ENPEP: variants seen among roughly 807,000 people sequenced by gnomAD.
ENPEP encodes AP-A.
Under a neutral mutation model 114.5 loss-of-function variants are expected in ENPEP, and 103 were observed. The observed-to-expected ratio is 0.90, with a 90% confidence interval of 0.77 to 1.06. The LOEUF is 1.06. Ranked by LOEUF, ENPEP falls within the 50% of genes least tolerant of loss-of-function variation. ENPEP has a pLI of 0.00. For synonymous variants in ENPEP, 420 were observed against 422.0 expected (o/e 1.00, Z 0.06); for missense variants, 1,196 against 1,161.3 (o/e 1.03, Z -0.43).
At chr4:110,514,400 A>G (rs1424228225) in intron 7 of ENPEP, among the ~76,000 whole-genome samples, 3 of 152,012 alleles carry the variant, frequency 2.0e-5, no homozygotes, top group Non-Finnish European at 4.4e-5. Flanking sequence ...TTTCCCTCTC[A>G]TATGATTCCC....
chr4:110,481,138 A>G (rs1224729747), intron 1 of ENPEP, among the ~76,000 whole-genome samples: 1 of 152,218 alleles, frequency 6.6e-6, no homozygotes, highest in African/African-American at 2.4e-5. Flanking sequence ...GGATCTTAGT[A>G]GATATTACCA....
intron 3 of ENPEP, among the ~76,000 whole-genome samples, chr4:110,505,115 C>T (rs1404445304): frequency 1.3e-5 from 2 of 152,170 alleles, no homozygotes; most frequent in Non-Finnish European, 2.9e-5. Flanking sequence ...CAATCCTGTA[C>T]GAACGTGATG....
chr4:110,523,028 G>C (rs1051194286), intron 10 of ENPEP, among the ~76,000 whole-genome samples: 3 of 152,184 alleles, frequency 2.0e-5, no homozygotes. Context: ...AATGCTCAGG[G>C]TGCTGTGAGT....
chr4:110,481,943 G>A (rs1445400710), intron 1 of ENPEP, among the ~76,000 whole-genome samples: 1 of 152,078 alleles, frequency 6.6e-6, no homozygotes, highest in Non-Finnish European at 1.5e-5. Flanking sequence ...CAGGCAAAAA[G>A]GAAAGGCACC....
At chr4:110,557,277 C>G (rs139032400) in intron 18 of ENPEP, among the ~76,000 whole-genome samples, 2 of 152,250 alleles carry the variant, frequency 1.3e-5, no homozygotes, top group East Asian at 3.9e-4. Flanking sequence ...CACAAAGTAT[C>G]TTAGGAATTT....
At chr4:110,508,271 A>C (rs1481024755) in intron 4 of ENPEP, among the ~76,000 whole-genome samples, 1 of 125,356 alleles carries the variant, frequency 8.0e-6, no homozygotes, top group African/African-American at 4.7e-5. Context: ...GTACTGACCA[A>C]AAAAAAAAAA....
intron 13 of ENPEP, among the ~76,000 whole-genome samples, 180 bp downstream of exon 13, chr4:110,543,250 C>A (rs1001508815): frequency 6.6e-6 from 1 of 152,012 alleles, no homozygotes; most frequent in African/African-American, 2.4e-5. Context: ...GCCTAATAGT[C>A]AAAATACTGA....
chr4:110,541,002 G>C (rs1726825885), intron 11 of ENPEP, among the ~76,000 whole-genome samples: 1 of 152,078 alleles, frequency 6.6e-6, no homozygotes, highest in South Asian at 2.1e-4. Context: ...AGACTCAAAA[G>C]TTCATGCTCT....
chr4:110,479,498 A>G (rs557735869), intron 1 of ENPEP, among the ~76,000 whole-genome samples: 2 of 152,170 alleles, frequency 1.3e-5, no homozygotes, highest in Middle Eastern at 3.2e-3. Context: ...GTGTACATGC[A>G]TATACATATA....
At position 110,488,502 on chromosome 4, in the gene ENPEP, G is replaced by A. The variant is rs980394428; in HGVS notation, c.645-39G>A. Reference sequence around the variant, plus strand: ...AGAGACATAGGGGTTGTCAGAAGAGGCAGCATGCATTTCGTTTGTTTGTTT... The same window carrying A: ...AGAGACATAGGGGTTGTCAGAAGAGACAGCATGCATTTCGTTTGTTTGTTT... On this transcript the variant is annotated intron_variant, in intron 1 of 19. Transcript: ENST00000265162. 1.1e-5 allele frequency: 17 copies of A among 1,559,448 alleles called. No homozygotes were observed. The Middle Eastern group carries it at 5.0e-4, about 46-fold the overall frequency.
At chr4:110,538,279 G>A (rs1007894718) in intron 11 of ENPEP, among the ~76,000 whole-genome samples, 1 of 152,182 alleles carries the variant, frequency 6.6e-6, no homozygotes, top group African/African-American at 2.4e-5. Context: ...CTTCAAAAAT[G>A]ATCTTAGTTA....
chr4:110,534,350 C>T (rs1255131013), intron 11 of ENPEP, among the ~76,000 whole-genome samples: 1 of 152,076 alleles, frequency 6.6e-6, no homozygotes, highest in Admixed American at 6.6e-5. Flanking sequence ...ACTCCAGTTA[C>T]CCTGAATAAT....
intron 17 of ENPEP, among the ~76,000 whole-genome samples, chr4:110,550,088 G>A (rs1012718839): frequency 6.6e-6 from 1 of 152,088 alleles, no homozygotes; most frequent in Non-Finnish European, 1.5e-5. Context: ...ACATTCTGGA[G>A]GTAGGTAGCT....
chr4:110,538,186 C>T (rs533625019), intron 11 of ENPEP, among the ~76,000 whole-genome samples: 4 of 152,322 alleles, frequency 2.6e-5, no homozygotes, highest in South Asian at 2.1e-4. Flanking sequence ...TGACTTCTCT[C>T]TAGCTGTGAA....
At chr4:110,478,120 T>C (rs1324434116) in intron 1 of ENPEP, among the ~76,000 whole-genome samples, 4 of 152,260 alleles carry the variant, frequency 2.6e-5, no homozygotes, top group African/African-American at 9.6e-5. Context: ...CCCACAAATA[T>C]CCCTTTTTTT....
chr4:110,491,186 A>C, intron 3 of ENPEP, 22 bp downstream of exon 3: 1 of 1,577,170 alleles, frequency 6.3e-7, no homozygotes, highest in Non-Finnish European at 8.6e-7. Flanking sequence ...TATATTTTAA[A>C]AATTTACCAC....
chr4:110,507,084 T>G lies in ENPEP; in HGVS notation c.1039+327T>G, dbSNP rs142428297. ...GCCACAAATAGCAACGTAGATCAGTTGATTTCAAAATCGGCATTCATCCCA... is the reference window on the plus strand; with the variant it reads ...GCCACAAATAGCAACGTAGATCAGTGGATTTCAAAATCGGCATTCATCCCA... On this transcript the variant is annotated intron_variant, in intron 4 of 19. Transcript: ENST00000265162. Among the ~76,000 whole-genome samples the G allele has an allele frequency of 3.4e-3, 521 of 152,340 alleles. 19 individuals carry two copies. In the South Asian group the frequency reaches 0.045, roughly 13 times the overall value.
intron 10 of ENPEP, among the ~76,000 whole-genome samples, chr4:110,530,300 T>C (rs1441995085): frequency 1.3e-5 from 2 of 152,200 alleles, no homozygotes; most frequent in Non-Finnish European, 2.9e-5. Context: ...TTCAGGTATA[T>C]AGCAAAAATA....
intron 10 of ENPEP, among the ~76,000 whole-genome samples, chr4:110,525,898 G>A (rs1726177921): frequency 6.6e-6 from 1 of 152,116 alleles, no homozygotes. Flanking sequence ...GGGCAGGGAG[G>A]GTCACAGAAG....
Sources: gnomAD v4.1 joint callset for allele counts (sites outside exome capture counted in the v4.1 genomes callset) on GRCh38, gnomAD v4.1.1 for gene constraint, MANE v1.5 for transcripts, NCBI Gene and HGNC (gene_info 2026-07-23, HGNC 2026-07-21) for gene names.